The following USP19 variants were observed in gnomAD, a reference collection of about 807,000 sequenced individuals.
USP19 encodes ubiquitin carboxyl-terminal hydrolase 19.
A neutral mutation model predicts 144.8 loss-of-function variants in USP19; 40 were observed. That is an observed-to-expected ratio of 0.28 (90% CI 0.21 to 0.36). USP19 has a LOEUF of 0.36. Among genes scored for constraint, USP19 ranks in the 10% least tolerant of loss-of-function variants. The pLI is 1.00. For synonymous variants in USP19, 701 were observed against 709.3 expected (o/e 0.99, Z 0.19); for missense variants, 1,518 against 1,822.5 (o/e 0.83, Z 3.04).
At position 49,119,245 on chromosome 3, in the gene USP19, T is replaced by A. The variant is rs1244631954; in HGVS notation, c.-100A>T. 1 of 1,462,042 alleles carries A rather than the reference T, an allele frequency of 6.8e-7. No individual in the cohort carries two copies. Among genetic ancestry groups the A allele is most frequent in the Non-Finnish European group, 9.1e-7 (1 of 1,098,926 alleles). 90.6% of individuals were successfully genotyped at this position (1,462,042 alleles called of 1,614,324 possible). A position where few individuals can be genotyped will look rare whatever the true frequency, so the allele number is the denominator to read the frequency against. The stretch of plus-strand genomic sequence containing the variant: ...TTCCTGGCCCAGCTATCTTGGCAAC[T>A]CTTTGTGGCCAAATTCTCCAGCAAG... On this transcript the variant is annotated 5_prime_UTR_variant, in exon 2 of 27. Transcript: ENST00000417901.
intron 26 of USP19, among the ~76,000 whole-genome samples, chr3:49,109,614 G>A (rs1247092132): frequency 2.6e-5 from 4 of 152,234 alleles, no homozygotes; most frequent in African/African-American, 9.6e-5. Context: ...GCTCAAGAGA[G>A]GATGGAGCCA....
chr3:49,112,703 G>A lies in USP19; in HGVS notation c.2506-74C>T. On this transcript the variant is annotated intron_variant, in intron 17 of 26. Coordinates refer to ENST00000417901, the MANE Select transcript of USP19 (RefSeq NM_001199161.2). The surrounding 1 kb of genome is among the most constrained non-coding windows in gnomAD (Gnocchi z 4.9). The stretch of plus-strand genomic sequence containing the variant: ...TAGCCCTGCCCCAGAGTTTAAGAAG[G>A]CTTGGCCCTGCCTTGGGTCTATGTG... 2.6e-6 allele frequency: 4 copies of A among 1,547,890 alleles called. No individual in the cohort carries two copies. The highest frequency in any genetic ancestry group is 1.2e-5 in the South Asian group (1 of 80,492).
At position 49,108,367 on chromosome 3, in the gene USP19, G is replaced by A; in HGVS notation, c.*45C>T. On this transcript the variant is annotated 3_prime_UTR_variant, in exon 27 of 27. Transcript: ENST00000417901. This position sits in a 1 kb window ranked among gnomAD's most constrained non-coding sequence, Gnocchi z 4.8. Reference sequence around the variant, plus strand: ...AGAAGCGGCAAGGAGCTGGCCCTCTGTGTGGGTGTCCCAAACCCAGTCCCC... The same window carrying A: ...AGAAGCGGCAAGGAGCTGGCCCTCTATGTGGGTGTCCCAAACCCAGTCCCC... 1 of 737,498 alleles carries A rather than the reference G, an allele frequency of 1.4e-6. No homozygotes were observed. Among genetic ancestry groups the A allele is most frequent in the African/African-American group, 1.9e-5 (1 of 53,262 alleles). The allele number at this position is 737,498 out of a possible 1,614,324, so 45.7% of individuals were successfully genotyped here.
intron 2 of USP19, among the ~76,000 whole-genome samples, 164 bp from the exon 3 acceptor site, chr3:49,118,284 A>G (rs893978260): frequency 6.7e-6 from 1 of 150,028 alleles, no homozygotes; most frequent in Admixed American, 6.6e-5. Context: ...AAAAAAAAAA[A>G]GGGACAGGCA....
In USP19 at chr3:49,118,135, A is replaced by G; in HGVS notation, c.125-15T>C. On this transcript the variant is annotated splice_polypyrimidine_tract_variant and intron_variant, in intron 2 of 26. Transcript: ENST00000417901. The stretch of plus-strand genomic sequence containing the variant: ...AGACCCTGTCTCTAAAAAAAAAATA[A>G]GAAAAATTAGTCAAGCATGGTGAGG... 1 of 1,082,862 alleles carries G rather than the reference A, an allele frequency of 9.2e-7. No individual in the cohort carries two copies. Among genetic ancestry groups the G allele is most frequent in the Non-Finnish European group, 1.3e-6 (1 of 756,970 alleles). 67.1% of individuals were successfully genotyped at this position (1,082,862 alleles called of 1,614,324 possible).
rs747094246 is a variant in USP19, at chr3:49,117,478, G to A, written c.565C>T (p.Leu189=). Residue 189 remains leucine (L), a synonymous_variant, in exon 5 of 27, where the codon CTG becomes TTG. Transcript: ENST00000417901. This position sits in a 1 kb window ranked among gnomAD's most constrained non-coding sequence, Gnocchi z 4.4. ...GTGAGCATAGGCACCTTTTTGGGCAGTGTCAGGTGCAGGAGACTGCCCTTG... is the reference window on the plus strand; with the variant it reads ...GTGAGCATAGGCACCTTTTTGGGCAATGTCAGGTGCAGGAGACTGCCCTTG... ...TRKGSLLHLT[L]PKKVPMLTWP... The A allele has an allele frequency of 1.9e-6, 3 of 1,614,160 alleles. No individual in the cohort carries two copies. Among genetic ancestry groups the A allele is most frequent in the Non-Finnish European group, 1.7e-6 (2 of 1,180,048 alleles).
intron 17 of USP19, 38 bp downstream of exon 17, chr3:49,113,954 A>T (rs2043635409): frequency 4.4e-6 from 7 of 1,602,322 alleles, no homozygotes; most frequent in Non-Finnish European, 6.0e-6. Flanking sequence ...ACACACACAC[A>T]TCCACACATG....
Position 49,116,773 on chromosome 3 carries a change from G to C in USP19, c.1080C>G (p.Ala360=). The C allele has an allele frequency of 6.2e-7, 1 of 1,613,320 alleles. No individual in the cohort carries two copies. The highest frequency in any genetic ancestry group is 8.5e-7 in the Non-Finnish European group (1 of 1,179,818). Residue 360 remains alanine, a synonymous_variant, in exon 7 of 27, where the codon GCC becomes GCG. Transcript: ENST00000417901. This position sits in a 1 kb window ranked among gnomAD's most constrained non-coding sequence, Gnocchi z 5.0. ...CTGCTGCCACTGCCATCTCCTCCTT[G>C]GCACAGTCATCTTTCCCAGGGTTTC... ...RSRNPGKDDC[A]KEEMAVAADA... is the part of the protein sequence containing the mutation.
At position 49,111,597 on chromosome 3, in the gene USP19, A is replaced by C. The variant is rs1214706248; in HGVS notation, c.3120T>G (p.Pro1040=). ...PRVWAAPDRG[P]VPSTSGISSE... ...AAGAAATTCCACTGGTGCTGGGCAC[A>C]GGACCCCGGTCAGGGGCTGCCCACA... The change falls in exon 21 of 27, where the codon CCT becomes CCG. Residue 1040 remains proline, a synonymous_variant. Coordinates refer to ENST00000417901, the MANE Select transcript of USP19 (RefSeq NM_001199161.2). This position sits in a 1 kb window ranked among gnomAD's most constrained non-coding sequence, Gnocchi z 5.9. 6.2e-7 allele frequency: 1 copy of C among 1,612,754 alleles called. No homozygotes were observed. Among genetic ancestry groups the C allele is most frequent in the Admixed American group, 1.7e-5 (1 of 59,948 alleles).
Position 49,117,854 on chromosome 3 carries a change from G to A in USP19, c.299-24C>T. ...TCCTGATGGTGATAAGCAGGTAACA[G>A]AGACCCAGCCTAATGAAACTGCTTC... is the stretch of plus-strand genomic sequence containing the variant. On this transcript the variant is annotated intron_variant, in intron 3 of 26. Coordinates refer to ENST00000417901, the MANE Select transcript of USP19 (RefSeq NM_001199161.2). The surrounding 1 kb of genome is among the most constrained non-coding windows in gnomAD (Gnocchi z 4.4). The A allele has an allele frequency of 6.2e-7, 1 of 1,613,986 alleles. No homozygotes were observed. The highest frequency in any genetic ancestry group is 8.5e-7 in the Non-Finnish European group (1 of 1,179,894).
In USP19 at chr3:49,109,331, G is replaced by A. The variant is rs150069594; in HGVS notation, c.4039-803C>T. 6.8e-4 allele frequency: 718 copies of A among 1,051,540 alleles called. 1 individual carries two copies. The highest frequency in any genetic ancestry group is 6.3e-3 in the Middle Eastern group (20 of 3,152). 65.1% of individuals were successfully genotyped at this position (1,051,540 alleles called of 1,614,324 possible). A position where few individuals can be genotyped will look rare whatever the true frequency, so the allele number is the denominator to read the frequency against. ...CAAACAGCAAGGAGGAAGGCAGGCA[G>A]CCAACCTCAGGGCTGTCCAGAGTAA... is the stretch of plus-strand genomic sequence containing the variant. On this transcript the variant is annotated intron_variant, in intron 26 of 26. Coordinates refer to ENST00000417901, the MANE Select transcript of USP19 (RefSeq NM_001199161.2).
Position 49,117,913 on chromosome 3 carries a change from T to C in USP19, c.298+34A>G. On this transcript the variant is annotated intron_variant, in intron 3 of 26. Transcript: ENST00000417901. This position sits in a 1 kb window ranked among gnomAD's most constrained non-coding sequence, Gnocchi z 4.4. ...GCCAAATTGCAAGTGCCCCCTCCCC[T>C]TCCCTAGCAACAAAAAGCCCATTCG... is the stretch of plus-strand genomic sequence containing the variant. The C allele has an allele frequency of 1.2e-6, 2 of 1,613,068 alleles. No individual in the cohort carries two copies. The highest frequency in any genetic ancestry group is 1.7e-6 in the Non-Finnish European group (2 of 1,179,758).
rs1167596099 is a variant in USP19, at chr3:49,111,165, T to C, written c.3330A>G (p.Gly1110=). The change falls in exon 23 of 27, where the codon GGA becomes GGG. Residue 1110 remains glycine, a splice_region_variant and synonymous_variant. Transcript: ENST00000417901. This position sits in a 1 kb window ranked among gnomAD's most constrained non-coding sequence, Gnocchi z 5.9. ...CGTCACCCAGCTCCAGTGGGGTGTCTCCTGGAGATTCGCAGGGAGAGAGGT... is the reference window on the plus strand; with the variant it reads ...CGTCACCCAGCTCCAGTGGGGTGTCCCCTGGAGATTCGCAGGGAGAGAGGT... ...SNREQRLEDK[G]DTPLELGDDC... 6.2e-7 allele frequency: 1 copy of C among 1,613,900 alleles called. No individual in the cohort carries two copies. Among genetic ancestry groups the C allele is most frequent in the Admixed American group, 1.7e-5 (1 of 60,020 alleles).
chr3:49,108,687 T>C lies in USP19; in HGVS notation c.4039-159A>G. ...GAGAGACGAGATTGGGCCTGAATAGTCTGGTTTTATTAACACTTTTAAGTA... is the reference window on the plus strand; with the variant it reads ...GAGAGACGAGATTGGGCCTGAATAGCCTGGTTTTATTAACACTTTTAAGTA... On this transcript the variant is annotated intron_variant, in intron 26 of 26. Coordinates refer to ENST00000417901, the MANE Select transcript of USP19 (RefSeq NM_001199161.2). The surrounding 1 kb of genome is among the most constrained non-coding windows in gnomAD (Gnocchi z 4.8). The C allele has an allele frequency of 7.6e-7, 1 of 1,310,802 alleles. No homozygotes were observed. The highest frequency in any genetic ancestry group is 9.7e-7 in the Non-Finnish European group (1 of 1,031,448). The allele number at this position is 1,310,802 out of a possible 1,614,324, so 81.2% of individuals were successfully genotyped here.
Position 49,111,579 on chromosome 3 carries a change from T to G in USP19, c.3138A>C (p.Gly1046=). 6.2e-7 allele frequency: 1 copy of G among 1,613,006 alleles called. No individual in the cohort carries two copies. The highest frequency in any genetic ancestry group is 8.5e-7 in the Non-Finnish European group (1 of 1,179,984). ...PDRGPVPSTS[G]ISSEMLASGP... ...CACTGGCCAGCATCTCAGAAGAAAT[T>G]CCACTGGTGCTGGGCACAGGACCCC... The change falls in exon 21 of 27, where the codon GGA becomes GGC. Residue 1046 remains glycine (G), a synonymous_variant. Transcript: ENST00000417901. The surrounding 1 kb of genome is among the most constrained non-coding windows in gnomAD (Gnocchi z 5.9).
Position 49,115,960 on chromosome 3 carries a change from T to A in USP19, c.1472-16A>T, listed in dbSNP as rs1271551150. 2 of 1,554,098 alleles carry A rather than the reference T, an allele frequency of 1.3e-6. No individual in the cohort carries two copies. The highest frequency in any genetic ancestry group is 1.7e-6 in the Non-Finnish European group (2 of 1,152,684). ...CCCACTGCACCTTAAAAAGGGGGAATGAGAGGGCTGGTGGTTAGCAGCATG... is the reference window on the plus strand; with the variant it reads ...CCCACTGCACCTTAAAAAGGGGGAAAGAGAGGGCTGGTGGTTAGCAGCATG... On this transcript the variant is annotated splice_polypyrimidine_tract_variant and intron_variant, in intron 10 of 26. Transcript: ENST00000417901. This position sits in a 1 kb window ranked among gnomAD's most constrained non-coding sequence, Gnocchi z 6.6.
Position 49,117,374 on chromosome 3 carries a change from C to T in USP19, c.607-13G>A. The T allele has an allele frequency of 6.2e-7, 1 of 1,601,844 alleles. No homozygotes were observed. The highest frequency in any genetic ancestry group is 8.5e-7 in the Non-Finnish European group (1 of 1,171,296). ...CTAGAGGTTTCTTCTGCCAAAGATA[C>T]AGCAGTCAGGCCCTGTCGACTACAC... On this transcript the variant is annotated splice_polypyrimidine_tract_variant and intron_variant, in intron 5 of 26. Transcript: ENST00000417901. This position sits in a 1 kb window ranked among gnomAD's most constrained non-coding sequence, Gnocchi z 4.4.
Position 49,114,996 on chromosome 3 carries a change from T to A in USP19, c.2144A>T (p.Tyr715Phe). ...CCCATCTGAATCCACGGTCTCTGTG[T>A]AGGGCTTGTTCTGAATGCGATTCAG... ...EDLNRIQNKP[Y>F]TETVDSDGRP... Residue 715 changes from tyrosine to phenylalanine, a missense_variant, in exon 14 of 27, where the codon TAC (tyrosine) becomes TTC (phenylalanine). Coordinates refer to ENST00000417901, the MANE Select transcript of USP19 (RefSeq NM_001199161.2). This position sits in a 1 kb window ranked among gnomAD's most constrained non-coding sequence, Gnocchi z 4.5. The A allele has an allele frequency of 6.2e-7, 1 of 1,614,176 alleles. No homozygotes were observed. The highest frequency in any genetic ancestry group is 8.5e-7 in the Non-Finnish European group (1 of 1,180,028).
chr3:49,109,135 C>T lies in USP19; in HGVS notation c.4039-607G>A, dbSNP rs374391542. The T allele has an allele frequency of 7.7e-5, 118 of 1,529,516 alleles. No homozygotes were observed. In the African/African-American group the frequency reaches 1.4e-3, roughly 19 times the overall value. The allele number at this position is 1,529,516 out of a possible 1,614,324, so 94.7% of individuals were successfully genotyped here. A position where few individuals can be genotyped will look rare whatever the true frequency, so the allele number is the denominator to read the frequency against. ...CCCAGGGACCCAGGGGCCCAGACCC[C>T]TCAGGCACCGGCTCCTCCTCAGCCT... is the stretch of plus-strand genomic sequence containing the variant. On this transcript the variant is annotated intron_variant, in intron 26 of 26. Coordinates refer to ENST00000417901, the MANE Select transcript of USP19 (RefSeq NM_001199161.2).
Sources: allele counts gnomAD v4.1 joint callset (sites outside exome capture counted in the v4.1 genomes callset), GRCh38; gene constraint gnomAD v4.1.1; non-coding constraint Gnocchi (gnomAD v3.1); transcripts MANE v1.5; gene names NCBI Gene and HGNC (gene_info 2026-07-23, HGNC 2026-07-21).